Variants in STN1 observed in about 807,000 individuals in gnomAD.
STN1 encodes CST complex subunit STN1.
A neutral mutation model predicts 45.5 loss-of-function variants in STN1; 29 were observed. The observed-to-expected ratio is 0.64, with a 90% CI of 0.47 to 0.87. STN1 has a LOEUF of 0.87. Ranked by LOEUF, STN1 falls within the 40% of genes least tolerant of loss-of-function variation. STN1 has a pLI of 0.00. For synonymous variants in STN1, 148 were observed against 159.0 expected, an observed-to-expected ratio of 0.93 and a Z score of 0.52; for missense variants, 376 against 441.4, an observed-to-expected ratio of 0.85 and a Z score of 1.33.
intron 3 of STN1, among the ~76,000 whole-genome samples, chr10:103,909,371 T>A (rs1346831579): frequency 3.2e-5 from 3 of 94,352 alleles, no homozygotes; most frequent in African/African-American, 1.2e-4. Context: ...AAAAAATATA[T>A]ATATATATGT....
chr10:103,887,279 G>A (rs182076249), intron 9 of STN1, among the ~76,000 whole-genome samples: 4 of 152,306 alleles, frequency 2.6e-5, no homozygotes, highest in South Asian at 4.1e-4. Flanking sequence ...AATGTATATC[G>A]TCGGCTAAAC....
intron 4 of STN1, among the ~76,000 whole-genome samples, chr10:103,903,367 A>C (rs1345571676): frequency 6.6e-6 from 1 of 152,214 alleles, no homozygotes; most frequent in Non-Finnish European, 1.5e-5. Flanking sequence ...TCTGCAAATG[A>C]TTTTAATACT....
At chr10:103,902,101 C>T (rs1424815255) in intron 4 of STN1, among the ~76,000 whole-genome samples, 1 of 152,068 alleles carries the variant, frequency 6.6e-6, no homozygotes, top group Admixed American at 6.6e-5. Flanking sequence ...CTGTAATGTA[C>T]AGAGGCATTA....
intron 2 of STN1, 117 bp downstream of exon 2, chr10:103,917,345 C>A: frequency 1.1e-6 from 1 of 898,724 alleles, no homozygotes; most frequent in Non-Finnish European, 1.6e-6. Context: ...GGCTAGGTCC[C>A]TTTCAAAGCC....
intron 3 of STN1, 139 bp downstream of exon 3, chr10:103,910,388 G>C: frequency 1.9e-6 from 1 of 521,554 alleles, no homozygotes; most frequent in Non-Finnish European, 3.5e-6. Context: ...GGGCTATAAG[G>C]GGCACCCCAT....
At chr10:103,888,667 G>T (rs1470848820) in intron 9 of STN1, among the ~76,000 whole-genome samples, 1 of 152,170 alleles carries the variant, frequency 6.6e-6, no homozygotes, top group Admixed American at 6.5e-5. Flanking sequence ...TTCAAAGAAG[G>T]GGGGCAAGCA....
intron 4 of STN1, among the ~76,000 whole-genome samples, chr10:103,904,272 C>T (rs1843227276): frequency 6.6e-6 from 1 of 152,038 alleles, no homozygotes; most frequent in African/African-American, 2.4e-5. Context: ...CAAAAACCAT[C>T]ACCAATATTG....
At chr10:103,911,303 A>G (rs1019130333) in intron 2 of STN1, among the ~76,000 whole-genome samples, 1 of 152,270 alleles carries the variant, frequency 6.6e-6, no homozygotes, top group African/African-American at 2.4e-5. Context: ...GGGGCTGCTC[A>G]GAGCAGGGAG....
At chr10:103,884,572 T>C (rs900357533) in intron 9 of STN1, among the ~76,000 whole-genome samples, 7 of 152,196 alleles carry the variant, frequency 4.6e-5, no homozygotes, top group African/African-American at 1.7e-4. Context: ...GGCGCAGGCA[T>C]GGTCTCTCTC....
Position 103,898,944 on chromosome 10 carries a change from T to A in STN1, c.514A>T (p.Thr172Ser), listed in dbSNP as rs1231904752. The change falls in exon 6 of 10, where the codon ACT (threonine) becomes TCT (serine). Residue 172 changes from threonine (T) to serine (S), a missense_variant. By Grantham distance (58) the Thr-to-Ser change is moderately conservative. Transcript: ENST00000224950. ...TGGTCATAAACTTTCCTGTAGATAG[T>A]GGGCAGCTCAAGCATCCTTGCAATT... ...IQIARMLELP[T>S]IYRKVYDQPF... is the part of the protein sequence containing the mutation. 1.2e-6 allele frequency: 2 copies of A among 1,614,020 alleles called. No homozygotes were observed. The highest frequency in any genetic ancestry group is 1.7e-6 in the Non-Finnish European group (2 of 1,179,998).
At chr10:103,915,634 TC>T (rs767692457) in intron 2 of STN1, among the ~76,000 whole-genome samples, 17 of 152,206 alleles carry the variant, frequency 1.1e-4, no homozygotes, top group Non-Finnish European at 2.4e-4. Context: ...GTTTAAACAA[TC>T]CTAAATTTTA....
intron 8 of STN1, among the ~76,000 whole-genome samples, chr10:103,890,504 T>C (rs907643158): frequency 3.3e-5 from 5 of 152,232 alleles, no homozygotes; most frequent in Admixed American, 3.3e-4. Flanking sequence ...CACCACGCCT[T>C]GCCCTGGACT....
At chr10:103,902,692 G>A (rs1436769534) in intron 4 of STN1, among the ~76,000 whole-genome samples, 1 of 152,180 alleles carries the variant, frequency 6.6e-6, no homozygotes, top group African/African-American at 2.4e-5. Context: ...CTTTAACTGA[G>A]TGGAACATGA....
intron 3 of STN1, 144 bp from the exon 4 acceptor site, chr10:103,905,300 C>G (rs112307539): frequency 8.0e-5 from 58 of 728,228 alleles, no homozygotes; most frequent in African/African-American, 7.5e-4. Flanking sequence ...CTCCTTCCAC[C>G]TTTGAAACAA....
intron 2 of STN1, 38 bp from the exon 3 acceptor site, chr10:103,910,660 A>T: frequency 8.8e-7 from 1 of 1,137,906 alleles, no homozygotes. Context: ...ATAATGTATG[A>T]TTACATTTTC....
At chr10:103,917,801 G>C in intron 1 of STN1, 145 bp from the exon 2 acceptor site, 1 of 535,520 alleles carries the variant, frequency 1.9e-6, no homozygotes, top group Non-Finnish European at 3.3e-6. Context: ...CATGCCACGG[G>C]GCGTGTTAAG....
intron 2 of STN1, among the ~76,000 whole-genome samples, chr10:103,911,096 A>T (rs975174655): frequency 1.3e-5 from 2 of 151,928 alleles, no homozygotes; most frequent in Non-Finnish European, 2.9e-5. Context: ...TTTTTAAAAA[A>T]AAACAGTAAG....
chr10:103,883,039 G>A (rs1038845699), intron 9 of STN1, among the ~76,000 whole-genome samples, 198 bp from the exon 10 acceptor site: 3 of 152,178 alleles, frequency 2.0e-5, no homozygotes, highest in East Asian at 1.9e-4. Flanking sequence ...ATGTCACCAC[G>A]GCGACATGGA....
chr10:103,903,523 A>T (rs537819654), intron 4 of STN1, among the ~76,000 whole-genome samples: 10 of 152,274 alleles, frequency 6.6e-5, no homozygotes, highest in Admixed American at 4.6e-4. Context: ...TCATGAATGA[A>T]TTAAGGCCAC....
Sources: gnomAD v4.1 joint callset for allele counts (sites outside exome capture counted in the v4.1 genomes callset) on GRCh38, gnomAD v4.1.1 for gene constraint, MANE v1.5 for transcripts, NCBI Gene and HGNC (gene_info 2026-07-23, HGNC 2026-07-21) for gene names.